Variants in ZNF26 observed in about 807,000 individuals in gnomAD.
The protein encoded by ZNF26 is epididymis luminal protein 179.
A neutral mutation model predicts 54.9 loss-of-function variants in ZNF26; 32 were observed. That is an observed-to-expected ratio of 0.58 (90% CI 0.44 to 0.78). The LOEUF (loss-of-function observed/expected upper bound fraction) is 0.78. Among genes scored for constraint, ZNF26 ranks in the 30% least tolerant of loss-of-function variants. The pLI is 0.00. For synonymous variants in ZNF26, 221 were observed against 209.2 expected (o/e 1.06, Z -0.49); for missense variants, 524 against 634.0 (o/e 0.83, Z 1.86).
chr12:132,991,963 C>T (rs1057215152), intron 1 of ZNF26, among the ~76,000 whole-genome samples: 6 of 152,060 alleles, frequency 3.9e-5, no homozygotes, highest in Non-Finnish European at 8.8e-5. Context: ...GCCTGGCCAA[C>T]ATGGTGAAAC....
chr12:132,994,689 A>G (rs1273175819), intron 1 of ZNF26, among the ~76,000 whole-genome samples: 3 of 152,234 alleles, frequency 2.0e-5, no homozygotes, highest in African/African-American at 7.2e-5. Context: ...TGTTATCAAC[A>G]TCAGTGTTTA....
At chr12:132,997,385 A>G (rs1330278287) in intron 1 of ZNF26, among the ~76,000 whole-genome samples, 4 of 152,192 alleles carry the variant, frequency 2.6e-5, no homozygotes, top group African/African-American at 4.8e-5. Flanking sequence ...CACATGGTAG[A>G]TTAGCTTCCA....
chr12:132,993,226 T>C lies in ZNF26; in HGVS notation c.33+6353T>C, dbSNP rs941225607. Among the ~76,000 whole-genome samples, 29 of 151,826 alleles carry C rather than the reference T, an allele frequency of 1.9e-4. 1 individual carries two copies. The South Asian group carries it at 5.8e-3, about 31-fold the overall frequency. ...TTTTAGTAGAGACAGAGTTTCAGTA[T>C]GTTGGTTAGGCTGGTTTCGAACTTC... On this transcript the variant is annotated intron_variant, in intron 1 of 3. Coordinates refer to ENST00000328654, the MANE Select transcript of ZNF26 (RefSeq NM_019591.4).
Position 133,017,829 on chromosome 12 carries a change from G to GA in ZNF26, c.*6351dup, listed in dbSNP as rs1953585724. 1 of 152,190 alleles carries GA rather than the reference G, an allele frequency of 6.6e-6. No individual in the cohort carries two copies. Among genetic ancestry groups the GA allele is most frequent in the Non-Finnish European group, 1.5e-5 (1 of 68,056 alleles). 9.4% of individuals were successfully genotyped at this position (152,190 alleles called of 1,614,324 possible). ...TCAAGACCATCCTCACTAACATGGT[G>GA]AAACCCCATCTCTATTAAAAACACA... On this transcript the variant is annotated 3_prime_UTR_variant, in exon 4 of 4. Transcript: ENST00000328654.
chr12:133,006,270 G>A (rs1953323743), intron 1 of ZNF26: 2 of 985,332 alleles, frequency 2.0e-6, no homozygotes, highest in Non-Finnish European at 2.4e-6. Flanking sequence ...GCAAGTAGAA[G>A]GATAAACTCT....
intron 1 of ZNF26, among the ~76,000 whole-genome samples, chr12:133,000,440 T>A (rs2137235319): frequency 6.8e-6 from 1 of 146,710 alleles, no homozygotes; most frequent in South Asian, 2.2e-4. Context: ...TTTTTTTTTT[T>A]TTGAGATGGA....
At chr12:132,988,415 T>C (rs1952874825) in intron 1 of ZNF26, among the ~76,000 whole-genome samples, 1 of 151,946 alleles carries the variant, frequency 6.6e-6, no homozygotes, top group African/African-American at 2.4e-5. Context: ...AAAAATTTTT[T>C]TTTTTTTTTG....
At position 133,010,805 on chromosome 12, in the gene ZNF26, C is replaced by T; in HGVS notation, c.926C>T (p.Thr309Ile). ...TTCGTTGTACACCAGAGAACTCATA[C>T]AGGAGTGAAACCCCATAAATGCAGT... The part of the protein sequence containing the change: ...SPFVVHQRTH[T>I]GVKPHKCSEC... The change falls in exon 4 of 4, where the codon ACA becomes ATA. Residue 309 changes from threonine to isoleucine, a missense_variant. Coordinates refer to ENST00000328654, the MANE Select transcript of ZNF26 (RefSeq NM_019591.4). 6.2e-7 allele frequency: 1 copy of T among 1,614,004 alleles called. No individual in the cohort carries two copies. The highest frequency in any genetic ancestry group is 8.5e-7 in the Non-Finnish European group (1 of 1,180,026).
At chr12:132,992,879 T>TC (rs1467577259) in intron 1 of ZNF26, among the ~76,000 whole-genome samples, 1 of 145,926 alleles carries the variant, frequency 6.9e-6, no homozygotes, top group South Asian at 2.2e-4. Flanking sequence ...TTTTTTTTTT[T>TC]CCCCAGTGTT....
chr12:133,024,241 T>A lies in ZNF26; in HGVS notation c.*12760T>A, dbSNP rs1259617939. 6.6e-6 allele frequency: 1 copy of A among 152,142 alleles called. No homozygotes were observed. Among genetic ancestry groups the A allele is most frequent in the Non-Finnish European group, 1.5e-5 (1 of 68,050 alleles). The allele number at this position is 152,142 out of a possible 1,614,324, so 9.4% of individuals were successfully genotyped here. On this transcript the variant is annotated 3_prime_UTR_variant, in exon 4 of 4. Transcript: ENST00000328654. The stretch of plus-strand genomic sequence containing the variant: ...TGAGTAAAATATCAGTAAAACCCAG[T>A]GGGCTTTGGGGATGGTATTAGCAGA...
chr12:133,008,276 A>G (rs1187143749), intron 3 of ZNF26, among the ~76,000 whole-genome samples: 6 of 152,110 alleles, frequency 3.9e-5, no homozygotes, highest in Non-Finnish European at 8.8e-5. Flanking sequence ...AAATGGCCAG[A>G]GTCCTTCATT....
At chr12:133,007,222 T>A in intron 2 of ZNF26, 54 bp downstream of exon 2, 1 of 1,586,080 alleles carries the variant, frequency 6.3e-7, no homozygotes, top group African/African-American at 1.3e-5. Context: ...TTGCCATCCC[T>A]TTTTTTGTTG....
chr12:133,006,061 G>A, intron 1 of ZNF26: 5 of 984,370 alleles, frequency 5.1e-6, no homozygotes, highest in Non-Finnish European at 6.0e-6. Context: ...TAATAGATTT[G>A]CCAGTTTTTC....
At chr12:133,010,059 C>T in intron 3 of ZNF26, 77 bp from the exon 4 acceptor site, 1 of 1,403,580 alleles carries the variant, frequency 7.1e-7, no homozygotes, top group Non-Finnish European at 9.5e-7. Context: ...GATTACATCA[C>T]AGTCCTAATA....
In ZNF26 at chr12:133,011,682, G is replaced by A. The variant is rs1953476808; in HGVS notation, c.*201G>A. Reference sequence around the variant, plus strand: ...TAGATGAAAATAATGGAAGGAATGTGGAGCAATAAATGTATCAAATGTTGT... The same window carrying A: ...TAGATGAAAATAATGGAAGGAATGTAGAGCAATAAATGTATCAAATGTTGT... On this transcript the variant is annotated 3_prime_UTR_variant, in exon 4 of 4. Coordinates refer to ENST00000328654, the MANE Select transcript of ZNF26 (RefSeq NM_019591.4). The A allele has an allele frequency of 1.9e-5, 8 of 427,702 alleles. No homozygotes were observed. The highest frequency in any genetic ancestry group is 8.0e-5 in the Admixed American group (2 of 24,866). 26.5% of individuals were successfully genotyped at this position (427,702 alleles called of 1,614,324 possible).
In ZNF26 at chr12:133,024,744, A is replaced by C. The variant is rs1351687695; in HGVS notation, c.*13263A>C. 1 of 152,206 alleles carries C rather than the reference A, an allele frequency of 6.6e-6. No individual in the cohort carries two copies. Among genetic ancestry groups the C allele is most frequent in the Admixed American group, 6.5e-5 (1 of 15,286 alleles). The allele number at this position is 152,206 out of a possible 1,614,324, so 9.4% of individuals were successfully genotyped here. On this transcript the variant is annotated 3_prime_UTR_variant, in exon 4 of 4. Coordinates refer to ENST00000328654, the MANE Select transcript of ZNF26 (RefSeq NM_019591.4). ...ATGCTTCTGTGAGCCCTCTCTCATAAGCAACAGAACTGCTAAGAATTTTAA... is the reference window on the plus strand; with the variant it reads ...ATGCTTCTGTGAGCCCTCTCTCATACGCAACAGAACTGCTAAGAATTTTAA...
Position 133,007,186 on chromosome 12 carries a change from A to T in ZNF26, c.160+18A>T, listed in dbSNP as rs969358882. The T allele has an allele frequency of 6.2e-7, 1 of 1,611,114 alleles. No individual in the cohort carries two copies. The highest frequency in any genetic ancestry group is 8.5e-7 in the Non-Finnish European group (1 of 1,177,528). Reference sequence around the variant, plus strand: ...ATCAGTGGGTAAGTACTGCGTCTCAATGTTACTCAGATAGTGAATATTAAA... The same window carrying T: ...ATCAGTGGGTAAGTACTGCGTCTCATTGTTACTCAGATAGTGAATATTAAA... On this transcript the variant is annotated intron_variant, in intron 2 of 3. Coordinates refer to ENST00000328654, the MANE Select transcript of ZNF26 (RefSeq NM_019591.4).
In ZNF26 at chr12:133,023,232, C is replaced by G. The variant is rs909921793; in HGVS notation, c.*11751C>G. ...AATACTGCACATTATCAAAACTGACCAAAGCAGAAAAAGCAAGACTGAATA... is the reference window on the plus strand; with the variant it reads ...AATACTGCACATTATCAAAACTGACGAAAGCAGAAAAAGCAAGACTGAATA... On this transcript the variant is annotated 3_prime_UTR_variant, in exon 4 of 4. Transcript: ENST00000328654. The G allele has an allele frequency of 2.6e-5, 4 of 151,954 alleles. No homozygotes were observed. Among genetic ancestry groups the G allele is most frequent in the Admixed American group, 1.3e-4 (2 of 15,252 alleles). The allele number at this position is 151,954 out of a possible 1,614,324, so 9.4% of individuals were successfully genotyped here. A position where few individuals can be genotyped will look rare whatever the true frequency, so the allele number is the denominator to read the frequency against.
chr12:132,998,983 C>T (rs1197417763), intron 1 of ZNF26, among the ~76,000 whole-genome samples: 3 of 152,156 alleles, frequency 2.0e-5, no homozygotes, highest in Non-Finnish European at 2.9e-5. Flanking sequence ...CTATAAATAA[C>T]TCAGAAAGAT....
Sources: allele counts gnomAD v4.1 joint callset (sites outside exome capture counted in the v4.1 genomes callset), GRCh38; gene constraint gnomAD v4.1.1; transcripts MANE v1.5; gene names NCBI Gene and HGNC (gene_info 2026-07-23, HGNC 2026-07-21).